Variants in AKT3 observed in about 807,000 individuals in gnomAD.
The protein encoded by AKT3 is RAC-gamma serine/threonine-protein kinase.
A neutral mutation model predicts 65.3 loss-of-function variants in AKT3; 15 were observed. The ratio of observed to expected loss-of-function variants is 0.23; its 90% CI spans 0.15 to 0.35. AKT3 has a LOEUF of 0.35. Among genes scored for constraint, AKT3 ranks in the 10% least tolerant of loss-of-function variants. The pLI, the probability that AKT3 is intolerant of heterozygous loss-of-function variation, is 1.00. For synonymous variants in AKT3, 206 were observed against 183.8 expected (o/e 1.12, Z -0.98); for missense variants, 243 against 576.5 (o/e 0.42, Z 5.92).
intron 13 of AKT3, among the ~76,000 whole-genome samples, chr1:243,508,171 C>T (rs966618518): frequency 3.3e-5 from 5 of 152,274 alleles, no homozygotes; most frequent in East Asian, 3.9e-4. Context: ...ATGTAATCAC[C>T]GTTCAAGGTT....
intron 2 of AKT3, among the ~76,000 whole-genome samples, chr1:243,765,593 T>C (rs946522607): frequency 2.0e-5 from 3 of 152,292 alleles, no homozygotes; most frequent in East Asian, 3.9e-4. Context: ...GTATTATTAG[T>C]AGGAAGTGCT....
rs151027316 is a variant in AKT3 at position 243,758,816 on chromosome 1, C to G, written c.47-63100G>C. On this transcript the variant is annotated intron_variant, in intron 2 of 13. Coordinates refer to ENST00000673466, the MANE Select transcript of AKT3 (RefSeq NM_005465.7). ...CGGAGCTTAGGTGGTAATGCTCGCT[C>G]ACCTCTTGCTGTGTGTCCCAGGTCC... Among the ~76,000 whole-genome samples, 449 of 152,294 alleles carry G rather than the reference C, an allele frequency of 2.9e-3. 4 individuals carry two copies. Among genetic ancestry groups the G allele is most frequent in the African/African-American group, 0.01 (419 of 41,558 alleles).
chr1:243,615,065 C>A, intron 7 of AKT3, 31 bp downstream of exon 7: 3 of 1,424,726 alleles, frequency 2.1e-6, no homozygotes, highest in Non-Finnish European at 2.9e-6. Context: ...TCAAATGTTA[C>A]GATTATAACA....
At chr1:243,843,769 A>C (rs1695391060) in intron 1 of AKT3, among the ~76,000 whole-genome samples, 1 of 151,312 alleles carries the variant, frequency 6.6e-6, no homozygotes, top group Non-Finnish European at 1.5e-5. Context: ...CTTCTGCCTC[A>C]GCCTCCCAAG....
intron 6 of AKT3, among the ~76,000 whole-genome samples, chr1:243,616,862 TCA>T (rs1250329741): frequency 1.3e-5 from 2 of 152,192 alleles, no homozygotes; most frequent in African/African-American, 2.4e-5. Context: ...TGAAATCATC[TCA>T]GTCTTATTTG....
At chr1:243,639,895 G>A (rs904978696) in intron 5 of AKT3, among the ~76,000 whole-genome samples, 1 of 152,118 alleles carries the variant, frequency 6.6e-6, no homozygotes, top group Non-Finnish European at 1.5e-5. Flanking sequence ...AAGAACCCAT[G>A]TGGTCTCCCA....
chr1:243,637,784 T>C (rs1263581828), intron 5 of AKT3, 42 bp from the exon 6 acceptor site: 1 of 1,389,858 alleles, frequency 7.2e-7, no homozygotes, highest in African/African-American at 1.5e-5. Flanking sequence ...AAGTATTTGA[T>C]GCAATTTATT....
chr1:243,554,236 A>G (rs1265710040), intron 10 of AKT3, among the ~76,000 whole-genome samples: 1 of 152,170 alleles, frequency 6.6e-6, no homozygotes, highest in Non-Finnish European at 1.5e-5. Flanking sequence ...GTTACTTAAA[A>G]GATCTATTCA....
chr1:243,699,409 C>T (rs758078974), intron 2 of AKT3, among the ~76,000 whole-genome samples: 4 of 145,150 alleles, frequency 2.8e-5, no homozygotes, highest in Non-Finnish European at 4.5e-5. Flanking sequence ...TCAAGATAAA[C>T]CTTCAGCAAG....
At chr1:243,638,242 C>A (rs1558672500) in intron 5 of AKT3, among the ~76,000 whole-genome samples, 1 of 152,070 alleles carries the variant, frequency 6.6e-6, no homozygotes, top group East Asian at 1.9e-4. Flanking sequence ...TGTCGAGAAC[C>A]TCGTATACTT....
At chr1:243,624,998 C>A in intron 6 of AKT3, 1 of 367,610 alleles carries the variant, frequency 2.7e-6, no homozygotes, top group Non-Finnish European at 5.6e-6. Context: ...CTAGAGCCTT[C>A]ATGTACTCAT....
chr1:243,628,448 T>A (rs1679350492), intron 6 of AKT3, among the ~76,000 whole-genome samples: 1 of 152,070 alleles, frequency 6.6e-6, no homozygotes, highest in African/African-American at 2.4e-5. Flanking sequence ...ACCAGAGGCA[T>A]GCCACCACAC....
intron 13 of AKT3, 38 bp from the exon 14 acceptor site, chr1:243,505,372 C>A (rs2148345927): frequency 1.3e-6 from 2 of 1,572,032 alleles, no homozygotes; most frequent in Non-Finnish European, 1.7e-6. Flanking sequence ...TTTACACATT[C>A]ATTTTTTGCA....
chr1:243,572,624 A>G (rs1054016983), intron 9 of AKT3, among the ~76,000 whole-genome samples: 21 of 152,250 alleles, frequency 1.4e-4, no homozygotes, highest in African/African-American at 4.8e-4. Context: ...CTGTAAACAT[A>G]ATAAAACTTG....
chr1:243,777,034 T>C (rs1281400771), intron 2 of AKT3, among the ~76,000 whole-genome samples: 2 of 152,052 alleles, frequency 1.3e-5, no homozygotes, highest in Non-Finnish European at 2.9e-5. Context: ...AAAACAAGGG[T>C]TTCCAGGAGG....
intron 1 of AKT3, among the ~76,000 whole-genome samples, chr1:243,848,294 G>T (rs749547355): frequency 6.6e-6 from 1 of 152,070 alleles, no homozygotes; most frequent in Non-Finnish European, 1.5e-5. Flanking sequence ...ACTGGCAAAA[G>T]GAAAACAATT....
chr1:243,579,200 T>C (rs1174394231), intron 8 of AKT3, among the ~76,000 whole-genome samples: 2 of 152,188 alleles, frequency 1.3e-5, no homozygotes, highest in East Asian at 3.8e-4. Context: ...ATGGGTTTTA[T>C]TTTGACATGC....
chr1:243,613,995 A>G lies in AKT3; in HGVS notation c.628-256T>C, dbSNP rs553484253. 3.4e-3 allele frequency among the ~76,000 whole-genome samples: 511 copies of G among 152,348 alleles called. 1 individual carries two copies. Among genetic ancestry groups the G allele is most frequent in the Non-Finnish European group, 5.2e-3 (353 of 68,024 alleles). Reference sequence around the variant, plus strand: ...AGTAAAAGTAAACTTAATTGCAACAAGCACTTCTCAATCTAATTTGCCATT... The same window carrying G: ...AGTAAAAGTAAACTTAATTGCAACAGGCACTTCTCAATCTAATTTGCCATT... On this transcript the variant is annotated intron_variant, in intron 7 of 13. Coordinates refer to ENST00000673466, the MANE Select transcript of AKT3 (RefSeq NM_005465.7).
chr1:243,645,143 A>C (rs1462402155), intron 5 of AKT3, among the ~76,000 whole-genome samples: 1 of 152,272 alleles, frequency 6.6e-6, no homozygotes, highest in East Asian at 1.9e-4. Flanking sequence ...GCTAATACCA[A>C]ATTTCATGGA....
Sources: allele counts gnomAD v4.1 joint callset (sites outside exome capture counted in the v4.1 genomes callset), GRCh38; gene constraint gnomAD v4.1.1; transcripts MANE v1.5; gene names NCBI Gene and HGNC (gene_info 2026-07-23, HGNC 2026-07-21).